The following ESPN variants were observed in gnomAD, a reference collection of about 807,000 sequenced individuals.
ESPN encodes the protein autosomal recessive deafness type 36 protein.
A neutral mutation model predicts 77.7 loss-of-function variants in ESPN; 68 were observed. That is an observed-to-expected ratio of 0.87 (90% CI 0.72 to 1.07). The LOEUF is 1.07. ESPN is among the 50% of genes least tolerant of loss of function. ESPN has a pLI of 0.00. For missense variants in ESPN, 1,060 were observed against 1,239.0 expected (o/e 0.86, Z 2.17); for synonymous variants, 449 against 567.1 (o/e 0.79, Z 2.96).
At chr1:6,442,131 C>T (rs1171321527) in intron 5 of ESPN, among the ~76,000 whole-genome samples, 3 of 152,168 alleles carry the variant, frequency 2.0e-5, no homozygotes, top group Non-Finnish European at 2.9e-5. Flanking sequence ...GGGGGTGGCA[C>T]CAGAGCCCAG....
At chr1:6,441,923 G>A (rs1321613237) in intron 5 of ESPN, among the ~76,000 whole-genome samples, 1 of 152,248 alleles carries the variant, frequency 6.6e-6, no homozygotes, top group Non-Finnish European at 1.5e-5. Flanking sequence ...AAGGCCCAGA[G>A]GCCAGAGGCT....
chr1:6,457,031 G>T (rs1644069102), intron 10 of ESPN, among the ~76,000 whole-genome samples, 153 bp from the exon 11 acceptor site: 1 of 152,250 alleles, frequency 6.6e-6, no homozygotes. Context: ...CCAGCTCTGA[G>T]GGGGTGTGAC....
At chr1:6,440,906 G>A (rs1473621332) in intron 4 of ESPN, 28 bp from the exon 5 acceptor site, 20 of 1,548,290 alleles carry the variant, frequency 1.3e-5, no homozygotes, top group South Asian at 7.1e-5. Flanking sequence ...CGCGGCCGCG[G>A]CCGGGTCCTC....
In ESPN at chr1:6,451,885, C is replaced by A. The variant is rs776626188; in HGVS notation, c.2114C>A (p.Pro705His). 1.9e-6 allele frequency: 3 copies of A among 1,611,082 alleles called. No individual in the cohort carries two copies. Among genetic ancestry groups the A allele is most frequent in the African/African-American group, 2.7e-5 (2 of 74,888 alleles). ...VSPALSPVRS[P>H]TPPAAGFQPL... is the part of the protein sequence containing the mutation. ...CCTGCACTGTCACCAGTCCGGAGCC[C>A]CACACCGCCAGCTGCGGGGTTTCAG... is the stretch of plus-strand genomic sequence containing the variant. Residue 705 changes from proline (P) to histidine (H), a missense_variant, in exon 10 of 13, where the codon CCC becomes CAC. Physicochemically the swap from Pro to His is moderately conservative, Grantham distance 77. This residue lies in a region of ESPN where 374 missense variants were observed against 381.4 expected (regional missense o/e 0.98). Coordinates refer to ENST00000645284, the MANE Select transcript of ESPN (RefSeq NM_031475.3). The surrounding 1 kb of genome is among the most constrained non-coding windows in gnomAD (Gnocchi z 4.3).
chr1:6,448,317 C>T, intron 7 of ESPN: 1 of 302,770 alleles, frequency 3.3e-6, no homozygotes, highest in Non-Finnish European at 6.1e-6. Flanking sequence ...GGGAGGTGCC[C>T]CTTCGCCAGC....
intron 10 of ESPN, chr1:6,456,286 G>T: frequency 2.6e-6 from 1 of 389,372 alleles, no homozygotes; most frequent in South Asian, 1.4e-4. Context: ...GCTGGAAGCA[G>T]CAGGAAGAGC....
At chr1:6,448,296 A>C (rs977603715) in intron 7 of ESPN, among the ~76,000 whole-genome samples, 7 of 151,966 alleles carry the variant, frequency 4.6e-5, no homozygotes, top group Non-Finnish European at 4.4e-5. Flanking sequence ...GGGCCTAGTG[A>C]GGGCTAAGCT....
At position 6,454,968 on chromosome 1, in the gene ESPN, G is replaced by A. The variant is rs569178260; in HGVS notation, c.2326-2216G>A. The stretch of plus-strand genomic sequence containing the variant: ...CGGCGTCTCCGTGCAGCATCTCCGC[G>A]CCACCTACGAGCTGCGCGCACGGGG... On this transcript the variant is annotated intron_variant, in intron 10 of 12. Coordinates refer to ENST00000645284, the MANE Select transcript of ESPN (RefSeq NM_031475.3). 5.8e-3 allele frequency: 2,208 copies of A among 381,184 alleles called. 44 individuals are homozygous for A. Among genetic ancestry groups the A allele is most frequent in the African/African-American group, 0.043 (2,047 of 47,874 alleles). The allele number at this position is 381,184 out of a possible 1,614,324, so 23.6% of individuals were successfully genotyped here. A position where few individuals can be genotyped will look rare whatever the true frequency, so the allele number is the denominator to read the frequency against.
chr1:6,461,246 C>A, downstream of ESPN: 4 of 774,356 alleles, frequency 5.2e-6, no homozygotes, highest in Non-Finnish European at 6.8e-6. This position sits in a 1 kb window ranked among gnomAD's most constrained non-coding sequence, Gnocchi z 6.3. Flanking sequence ...CCCCTCTCGA[C>A]ATTCGTTCGT....
Position 6,450,358 on chromosome 1 carries a change from C to A in ESPN, c.1916-1245C>A. 2.3e-6 allele frequency: 1 copy of A among 434,700 alleles called. No individual in the cohort carries two copies. The highest frequency in any genetic ancestry group is 3.1e-6 in the Non-Finnish European group (1 of 326,124). 26.9% of individuals were successfully genotyped at this position (434,700 alleles called of 1,614,324 possible). ...TTCCCCCCCGCCCGCTCTCCCTGGCCCGCTCCCTGTCCCCTGCTGTCCCAG... is the reference window on the plus strand; with the variant it reads ...TTCCCCCCCGCCCGCTCTCCCTGGCACGCTCCCTGTCCCCTGCTGTCCCAG... On this transcript the variant is annotated intron_variant, in intron 8 of 12. Coordinates refer to ENST00000645284, the MANE Select transcript of ESPN (RefSeq NM_031475.3). The surrounding 1 kb of genome is among the most constrained non-coding windows in gnomAD (Gnocchi z 4.3).
At position 6,428,100 on chromosome 1, in the gene ESPN, C is replaced by G. The variant is rs1349547783; in HGVS notation, c.295-126C>G. ...AAAAACATTGCTGAATGAGGCCTGG[C>G]CAATCCCTCCAGGGAAGACAGAGAG... On this transcript the variant is annotated intron_variant, in intron 1 of 12. Coordinates refer to ENST00000645284, the MANE Select transcript of ESPN (RefSeq NM_031475.3). The surrounding 1 kb of genome is among the most constrained non-coding windows in gnomAD (Gnocchi z 5.4). 9.7e-7 allele frequency: 1 copy of G among 1,034,044 alleles called. No homozygotes were observed. 64.1% of individuals were successfully genotyped at this position (1,034,044 alleles called of 1,614,324 possible). A position where few individuals can be genotyped will look rare whatever the true frequency, so the allele number is the denominator to read the frequency against.
intron 5 of ESPN, 119 bp downstream of exon 5, chr1:6,441,184 A>G (rs1443609352): frequency 3.0e-6 from 4 of 1,352,058 alleles, no homozygotes; most frequent in Non-Finnish European, 4.1e-6. Context: ...GAAGCCCGCT[A>G]CCCCACACGA....
rs1338981442 is a variant in ESPN at position 6,441,942 on chromosome 1, G to T, written c.990+877G>T. Reference sequence around the variant, plus strand: ...CCCAGAGGCCAGAGGCTGCAGGGGGGCCTGAGGATGAACTTCCCCCCGCGA... The same window carrying T: ...CCCAGAGGCCAGAGGCTGCAGGGGGTCCTGAGGATGAACTTCCCCCCGCGA... On this transcript the variant is annotated intron_variant, in intron 5 of 12. Coordinates refer to ENST00000645284, the MANE Select transcript of ESPN (RefSeq NM_031475.3). Among the ~76,000 whole-genome samples, 3 of 152,242 alleles carry T rather than the reference G, an allele frequency of 2.0e-5. No individual in the cohort carries two copies. In the South Asian group the frequency reaches 6.2e-4, roughly 32 times the overall value.
At position 6,460,905 on chromosome 1, in the gene ESPN, G is replaced by A. The variant is rs1002983447; in HGVS notation, c.*759G>A. The A allele has an allele frequency of 8.7e-6, 3 of 343,808 alleles. No individual in the cohort carries two copies. Among genetic ancestry groups the A allele is most frequent in the Admixed American group, 4.5e-5 (1 of 22,020 alleles). 21.3% of individuals were successfully genotyped at this position (343,808 alleles called of 1,614,324 possible). ...CCGACCCTGTCTCCGCCACCTCGCA[G>A]CCCCATTAAAGCGCTCTCATCTGGG... On this transcript the variant is annotated 3_prime_UTR_variant, in exon 13 of 13. Transcript: ENST00000645284.
intron 2 of ESPN, among the ~76,000 whole-genome samples, chr1:6,434,657 C>T (rs1410743999): frequency 2.0e-5 from 3 of 152,118 alleles, no homozygotes; most frequent in Non-Finnish European, 4.4e-5. Flanking sequence ...ATTCATTCAA[C>T]AAAAAGCAAC....
chr1:6,456,253 C>T (rs1389264470), intron 10 of ESPN: 1 of 393,296 alleles, frequency 2.5e-6, no homozygotes, highest in Non-Finnish European at 4.5e-6. Context: ...TGGGCCTGGA[C>T]GCCTGTCTGA....
rs1286679786 is a variant in ESPN, at chr1:6,447,948, G to A, written c.1465-693G>A. ...CCCTGTGGCATCCGCGACGGCTGGG[G>A]GGGTTCAGCCTGGGATTGGCGGGCC... On this transcript the variant is annotated intron_variant, in intron 7 of 12. Transcript: ENST00000645284. This position sits in a 1 kb window ranked among gnomAD's most constrained non-coding sequence, Gnocchi z 5.2. The A allele has an allele frequency of 6.6e-6, 1 of 152,324 alleles. No individual in the cohort carries two copies. Among genetic ancestry groups the A allele is most frequent in the Non-Finnish European group, 1.5e-5 (1 of 68,132 alleles). 9.4% of individuals were successfully genotyped at this position (152,324 alleles called of 1,614,324 possible).
intron 2 of ESPN, among the ~76,000 whole-genome samples, chr1:6,439,369 G>A (rs887848075): frequency 2.0e-5 from 3 of 152,234 alleles, no homozygotes; most frequent in African/African-American, 7.2e-5. Context: ...ATTGAATTGT[G>A]TGAACTGCCT....
downstream of ESPN, chr1:6,461,159 T>C (rs750344281): frequency 1.2e-5 from 8 of 673,704 alleles, no homozygotes; most frequent in Non-Finnish European, 2.8e-6. The surrounding 1 kb of genome is among the most constrained non-coding windows in gnomAD (Gnocchi z 6.3). Context: ...CGTTTTTGTT[T>C]TGTTTTGTTT....
Sources: allele counts gnomAD v4.1 joint callset (sites outside exome capture counted in the v4.1 genomes callset), GRCh38; gene constraint gnomAD v4.1.1; regional missense constraint gnomAD v4.1.1; non-coding constraint Gnocchi (gnomAD v3.1); transcripts MANE v1.5; gene names NCBI Gene and HGNC (gene_info 2026-07-23, HGNC 2026-07-21).